Variants in PKHD1L1 observed in about 807,000 individuals in gnomAD.
PKHD1L1 encodes the protein fibrocystin-L.
A neutral mutation model predicts 462.9 loss-of-function variants in PKHD1L1; 434 were observed. The observed-to-expected ratio is 0.94, with a 90% CI of 0.87 to 1.02. PKHD1L1 has a LOEUF of 1.02. Ranked by LOEUF, PKHD1L1 falls within the 50% of genes least tolerant of loss-of-function variation. The probability of loss-of-function intolerance (pLI) is 0.00; values close to 1 mark genes in which losing one functional copy is unlikely to be tolerated. For missense variants in PKHD1L1, 5,202 were observed against 5,096.1 expected, an observed-to-expected ratio of 1.02 and a Z score of -0.63; for synonymous variants, 1,781 against 1,750.0, an observed-to-expected ratio of 1.02 and a Z score of -0.44.
chr8:109,501,993 A>T (rs1295546402), intron 67 of PKHD1L1, among the ~76,000 whole-genome samples: 3 of 152,054 alleles, frequency 2.0e-5, no homozygotes, highest in African/African-American at 7.2e-5. Flanking sequence ...CTCTCTCCAC[A>T]AAAAGTAGGT....
chr8:109,452,690 T>G, intron 42 of PKHD1L1, 28 bp from the exon 43 acceptor site: 2 of 1,359,360 alleles, frequency 1.5e-6, no homozygotes, highest in South Asian at 2.3e-5. Context: ...AATCCCTAAA[T>G]TTTAAGGTCT....
At chr8:109,406,261 A>G in intron 16 of PKHD1L1, 74 bp from the exon 17 acceptor site, 1 of 1,379,584 alleles carries the variant, frequency 7.2e-7, no homozygotes, top group East Asian at 2.5e-5. Flanking sequence ...ACGAGACATC[A>G]GTGTTGGCTG....
chr8:109,400,378 A>G (rs1240920340), intron 13 of PKHD1L1, 34 bp downstream of exon 13: 21 of 1,576,772 alleles, frequency 1.3e-5, no homozygotes, highest in Non-Finnish European at 1.8e-5. Context: ...TTGATACTGT[A>G]AAAACATTAT....
chr8:109,499,072 G>T (rs573904702), intron 67 of PKHD1L1: 3 of 287,318 alleles, frequency 1.0e-5, no homozygotes, highest in East Asian at 7.6e-5. Context: ...ATGTAAGTAG[G>T]ATTATATATT....
At chr8:109,523,410 CACAT>C (rs1249536881) in intron 76 of PKHD1L1, 24 bp downstream of exon 76, 1 of 1,586,944 alleles carries the variant, frequency 6.3e-7, no homozygotes, top group Non-Finnish European at 8.6e-7. Context: ...TTTGGATCCT[CACAT>C]ATATAGCCAT....
At chr8:109,450,833 A>G (rs1816446519) in intron 40 of PKHD1L1, 142 bp from the exon 41 acceptor site, 2 of 781,486 alleles carry the variant, frequency 2.6e-6, no homozygotes, top group Non-Finnish European at 3.9e-6. Context: ...GAGGGCCACT[A>G]TTATTCACAT....
At chr8:109,452,326 C>T (rs1816571312) in intron 42 of PKHD1L1, 46 bp downstream of exon 42, 2 of 1,434,002 alleles carry the variant, frequency 1.4e-6, no homozygotes, top group Non-Finnish European at 1.8e-6. Context: ...AGAAAACCAG[C>T]ATTATGGGAG....
intron 38 of PKHD1L1, among the ~76,000 whole-genome samples, chr8:109,446,334 G>C (rs981403260): frequency 1.3e-5 from 2 of 152,140 alleles, no homozygotes; most frequent in African/African-American, 4.8e-5. Flanking sequence ...CTCTCAAATG[G>C]TTCAAATTTT....
In PKHD1L1 at chr8:109,477,380, C is replaced by G. The variant is rs551169159; in HGVS notation, c.9073C>G (p.Arg3025Gly). Residue 3025 changes from arginine to glycine, a missense_variant, in exon 53 of 78, where the codon CGA becomes GGA. Around this residue, in one of 3 missense-constraint regions of PKHD1L1, gnomAD observed 4,497 missense variants for 4,336.8 expected, o/e 1.04. Transcript: ENST00000378402. ...ATCAAGAAAACCAATTCCCAAGAAG[C>G]GACCAGCCACATATAAGTACATAGG... is the stretch of plus-strand genomic sequence containing the variant. ...PPSRKPIPKK[R>G]PATYNLWSND... 1 of 1,612,972 alleles carries G rather than the reference C, an allele frequency of 6.2e-7. No individual in the cohort carries two copies. The highest frequency in any genetic ancestry group is 1.3e-5 in the African/African-American group (1 of 75,004).
At position 109,396,182 on chromosome 8, in the gene PKHD1L1, C is replaced by T. The variant is rs1812965707; in HGVS notation, c.922+45C>T. On this transcript the variant is annotated intron_variant, in intron 11 of 77. Transcript: ENST00000378402. Reference sequence around the variant, plus strand: ...ATATATTACTTTATTACCACAAATTCTGCCTGCTCTTTAATAATTTGTAAT... The same window carrying T: ...ATATATTACTTTATTACCACAAATTTTGCCTGCTCTTTAATAATTTGTAAT... 16 of 1,306,396 alleles carry T rather than the reference C, an allele frequency of 1.2e-5. No homozygotes were observed. The East Asian group carries it at 3.7e-4, about 30-fold the overall frequency. The allele number at this position is 1,306,396 out of a possible 1,614,324, so 80.9% of individuals were successfully genotyped here. A position where few individuals can be genotyped will look rare whatever the true frequency, so the allele number is the denominator to read the frequency against.
intron 7 of PKHD1L1, 73 bp downstream of exon 7, chr8:109,388,623 G>T (rs1396229108): frequency 4.0e-6 from 4 of 1,005,658 alleles, no homozygotes; most frequent in Non-Finnish European, 6.0e-6. Context: ...AATAGTAATT[G>T]CTACCAATAC....
At chr8:109,520,424 G>A (rs1221039002) in intron 73 of PKHD1L1, among the ~76,000 whole-genome samples, 1 of 152,054 alleles carries the variant, frequency 6.6e-6, no homozygotes, top group African/African-American at 2.4e-5. Context: ...TTTCTTACAT[G>A]TGACATATAT....
In PKHD1L1 at chr8:109,456,340, C is replaced by G. The variant is rs1213426274; in HGVS notation, c.6953C>G (p.Ala2318Gly). ...AGERILILQE[A>G]VTWKPGDNIV... ...GAAAGAATTTTAATTTTACAAGAAG[C>G]AGTAACATGGAAACCAGGAGATAAC... Residue 2318 changes from alanine to glycine, a missense_variant, in exon 46 of 78, where the codon GCA becomes GGA. Physicochemically the swap from Ala to Gly is moderately conservative, Grantham distance 60. This residue lies in a region of PKHD1L1 where 4,497 missense variants were observed against 4,336.8 expected (regional missense o/e 1.04). Transcript: ENST00000378402. 1 of 1,610,976 alleles carries G rather than the reference C, an allele frequency of 6.2e-7. No homozygotes were observed. The highest frequency in any genetic ancestry group is 1.1e-5 in the South Asian group (1 of 90,366).
At chr8:109,455,802 C>G (rs1018724429) in intron 45 of PKHD1L1, among the ~76,000 whole-genome samples, 2 of 151,914 alleles carry the variant, frequency 1.3e-5, no homozygotes, top group African/African-American at 4.8e-5. Context: ...TTTAGAATAC[C>G]ATAAACATGA....
intron 21 of PKHD1L1, among the ~76,000 whole-genome samples, chr8:109,418,603 T>C (rs1390465923): frequency 1.3e-5 from 2 of 152,222 alleles, no homozygotes; most frequent in Non-Finnish European, 2.9e-5. Flanking sequence ...CATTTATATC[T>C]ACAAATAACA....
intron 68 of PKHD1L1, among the ~76,000 whole-genome samples, chr8:109,505,744 A>T (rs929883339): frequency 6.6e-5 from 10 of 151,876 alleles, no homozygotes; most frequent in Non-Finnish European, 1.2e-4. Flanking sequence ...ACAAAAAATT[A>T]AAAAATAAAA....
At position 109,456,273 on chromosome 8, in the gene PKHD1L1, C is replaced by A; in HGVS notation, c.6886C>A (p.Pro2296Thr). Residue 2296 changes from proline to threonine, a missense_variant, in exon 46 of 78, where the codon CCT becomes ACT. This residue lies in a region of PKHD1L1 where 4,497 missense variants were observed against 4,336.8 expected (regional missense o/e 1.04). Coordinates refer to ENST00000378402, the MANE Select transcript of PKHD1L1 (RefSeq NM_177531.6). ...GILDLHGVPV[P>T]VTWTRLAHTA... ...TATGTTGGTTCTAGGTGTGCCTGTTCCTGTGACCTGGACTCGCTTGGCTCA... is the reference window on the plus strand; with the variant it reads ...TATGTTGGTTCTAGGTGTGCCTGTTACTGTGACCTGGACTCGCTTGGCTCA... The A allele has an allele frequency of 6.2e-7, 1 of 1,612,362 alleles. No homozygotes were observed. The highest frequency in any genetic ancestry group is 1.1e-5 in the South Asian group (1 of 90,818).
At chr8:109,479,099 C>T (rs902681032) in intron 53 of PKHD1L1, among the ~76,000 whole-genome samples, 14 of 152,032 alleles carry the variant, frequency 9.2e-5, no homozygotes, top group African/African-American at 3.1e-4. Flanking sequence ...GCATATTTTC[C>T]AGTGGGAAAA....
chr8:109,381,336 C>G, intron 2 of PKHD1L1, 34 bp from the exon 3 acceptor site: 1 of 1,509,128 alleles, frequency 6.6e-7, no homozygotes, highest in Non-Finnish European at 9.0e-7. Context: ...GATAGAATAC[C>G]ATTAATAATA....
Sources: gnomAD v4.1 joint callset for allele counts (sites outside exome capture counted in the v4.1 genomes callset) on GRCh38, gnomAD v4.1.1 for gene constraint, gnomAD v4.1.1 regional missense constraint, MANE v1.5 for transcripts, NCBI Gene and HGNC (gene_info 2026-07-23, HGNC 2026-07-21) for gene names.